The following EP400 variants were observed in gnomAD, a reference collection of about 807,000 sequenced individuals.
EP400 encodes E1A-binding protein p400.
In EP400, 105 loss-of-function variants were observed where a neutral mutation model predicts 354.1. That is an observed-to-expected ratio of 0.30 (90% CI 0.25 to 0.35). The LOEUF is 0.35. Ranked by LOEUF, EP400 falls within the 10% of genes least tolerant of loss-of-function variation. EP400 has a pLI of 1.00. For synonymous variants in EP400, 1,646 were observed against 1,716.9 expected, an observed-to-expected ratio of 0.96 and a Z score of 1.02; for missense variants, 3,280 against 4,121.0, an observed-to-expected ratio of 0.80 and a Z score of 5.59.
Position 132,055,037 on chromosome 12 carries a change from A to G in EP400, c.7774+18A>G, listed in dbSNP as rs1462023320. On this transcript the variant is annotated intron_variant, in intron 44 of 52. Transcript: ENST00000389561. ...GCCCACTGGTAAGACAAATACAGAG[A>G]TGCTGAAATGTGGACCCCATTTCTC... 4.3e-6 allele frequency: 7 copies of G among 1,613,944 alleles called. No individual in the cohort carries two copies. Among genetic ancestry groups the G allele is most frequent in the Non-Finnish European group, 5.9e-6 (7 of 1,179,942 alleles).
intron 51 of EP400, among the ~76,000 whole-genome samples, chr12:132,073,418 A>C (rs1383881098): frequency 6.8e-6 from 1 of 146,078 alleles, no homozygotes; most frequent in Non-Finnish European, 1.5e-5. Flanking sequence ...TATTCATCTC[A>C]AATGCTGCTG....
At chr12:132,077,321 C>G in intron 52 of EP400, 80 bp from the exon 53 acceptor site, 1 of 1,524,266 alleles carries the variant, frequency 6.6e-7, no homozygotes, top group Non-Finnish European at 8.8e-7. Context: ...CGAGTCCTCC[C>G]CATCCCAAAG....
At chr12:132,010,365 G>A (rs1334372783) in intron 15 of EP400, among the ~76,000 whole-genome samples, 1 of 152,144 alleles carries the variant, frequency 6.6e-6, no homozygotes, top group East Asian at 1.9e-4. Context: ...GATTACAGGT[G>A]TGAGCCACTG....
In EP400 at chr12:132,064,871, C is replaced by G; in HGVS notation, c.8538C>G (p.Leu2846=). 1 of 1,608,980 alleles carries G rather than the reference C, an allele frequency of 6.2e-7. No individual in the cohort carries two copies. Among genetic ancestry groups the G allele is most frequent in the Non-Finnish European group, 8.5e-7 (1 of 1,178,176 alleles). ...TGACGGGCACCACCGTGGCCAACCT[C>G]CAGGTGGCCCGGCTCGTAAGTGTCA... ...ALLTGTTVAN[L]QVARLTRVPT... The change falls in exon 48 of 53, where the codon CTC becomes CTG. Residue 2846 remains leucine (L), a synonymous_variant. Transcript: ENST00000389561.
intron 1 of EP400, among the ~76,000 whole-genome samples, chr12:131,950,795 C>G (rs1214008631): frequency 6.6e-6 from 1 of 152,218 alleles, no homozygotes; most frequent in Admixed American, 6.5e-5. Flanking sequence ...GCTCTGTTGC[C>G]CAGGTTGGCG....
intron 12 of EP400, among the ~76,000 whole-genome samples, chr12:132,003,520 G>A (rs1006568896): frequency 1.3e-5 from 2 of 151,640 alleles, no homozygotes; most frequent in East Asian, 1.9e-4. Context: ...TTTTTTCTTC[G>A]ATTTCATTTT....
At chr12:132,063,329 A>G (rs1237338556) in intron 47 of EP400, among the ~76,000 whole-genome samples, 1 of 152,228 alleles carries the variant, frequency 6.6e-6, no homozygotes, top group Non-Finnish European at 1.5e-5. Flanking sequence ...CCTGGTCAAC[A>G]TGGCAAATCC....
In EP400 at chr12:131,991,068, C is replaced by T. The variant is rs533110503; in HGVS notation, c.2630-339C>T. Among the ~76,000 whole-genome samples, 166 of 152,298 alleles carry T rather than the reference C, an allele frequency of 1.1e-3. No individual in the cohort carries two copies. In the Middle Eastern group the frequency reaches 0.037, roughly 34 times the overall value. ...TTGATGTTTCTTCGGCAGCTGCCTC[C>T]GCTCGTTATGTGCCACTCCACTTAG... On this transcript the variant is annotated intron_variant, in intron 9 of 52. Coordinates refer to ENST00000389561, the MANE Select transcript of EP400 (RefSeq NM_015409.5).
At position 132,053,231 on chromosome 12, in the gene EP400, G is replaced by T. The variant is rs111288411; in HGVS notation, c.7473+7G>T. ...AATCGCAAAAGAGAAAAAGGTCAGC[G>T]CCCTGGGCCCTTCTGCTTGAGTGGG... On this transcript the variant is annotated splice_region_variant and intron_variant, in intron 42 of 52. Coordinates refer to ENST00000389561, the MANE Select transcript of EP400 (RefSeq NM_015409.5). 19 of 1,613,376 alleles carry T rather than the reference G, an allele frequency of 1.2e-5. No homozygotes were observed. Among genetic ancestry groups the T allele is most frequent in the African/African-American group, 4.0e-5 (3 of 74,798 alleles).
At chr12:131,986,295 T>C (rs1892850896) in intron 5 of EP400, among the ~76,000 whole-genome samples, 1 of 152,246 alleles carries the variant, frequency 6.6e-6, no homozygotes, top group African/African-American at 2.4e-5. Context: ...TAGTTCATAA[T>C]GAAAACTCCT....
At position 132,079,183 on chromosome 12, in the gene EP400, C is replaced by T. The variant is rs1183673195; in HGVS notation, c.*1510C>T. On this transcript the variant is annotated 3_prime_UTR_variant, in exon 53 of 53. Transcript: ENST00000389561. ...CTGTCCCACAGGTTTCTGTGGACAG[C>T]GATACAGCAGGAGTCAGTGAAATCA... 3 of 152,372 alleles carry T rather than the reference C, an allele frequency of 2.0e-5. No homozygotes were observed. Among genetic ancestry groups the T allele is most frequent in the Non-Finnish European group, 2.9e-5 (2 of 68,038 alleles). The allele number at this position is 152,372 out of a possible 1,614,324, so 9.4% of individuals were successfully genotyped here.
chr12:131,997,090 C>T (rs1397084408), intron 12 of EP400, among the ~76,000 whole-genome samples: 39 of 152,174 alleles, frequency 2.6e-4, no homozygotes, highest in Admixed American at 2.5e-3. Context: ...TTTTGTTATA[C>T]AGTTGACCCT....
intron 1 of EP400, among the ~76,000 whole-genome samples, chr12:131,950,609 G>A (rs1017719850): frequency 6.6e-6 from 1 of 152,206 alleles, no homozygotes; most frequent in African/African-American, 2.4e-5. Flanking sequence ...CCTTCTCGGC[G>A]TAGACCTGCC....
In EP400 at chr12:131,979,729, C is replaced by G. The variant is rs140869465; in HGVS notation, c.1371C>G (p.Ala457=). The G allele has an allele frequency of 8.1e-6, 13 of 1,609,378 alleles. No homozygotes were observed. Among genetic ancestry groups the G allele is most frequent in the Non-Finnish European group, 1.1e-5 (13 of 1,177,740 alleles). The change falls in exon 3 of 53, where the codon GCC becomes GCG. Residue 457 remains alanine, a synonymous_variant. Transcript: ENST00000389561. The part of the protein sequence containing the change: ...QALAGSLVAG[A]GSTVETDLFK... ...TCGCAGGGAGCCTGGTAGCAGGGGC[C>G]GGAAGCACAGTAGAGACGGACCTGT... is the stretch of plus-strand genomic sequence containing the variant.
chr12:131,992,262 C>T (rs1422108895), intron 11 of EP400, 32 bp downstream of exon 11: 3 of 1,592,182 alleles, frequency 1.9e-6, no homozygotes, highest in Non-Finnish European at 2.6e-6. Context: ...TCTTTGTCAT[C>T]TCCAGGGCTG....
At chr12:132,045,285 T>C in intron 37 of EP400, 34 bp from the exon 38 acceptor site, 1 of 1,611,190 alleles carries the variant, frequency 6.2e-7, no homozygotes, top group Non-Finnish European at 8.5e-7. Flanking sequence ...ATCTCCTGGT[T>C]TACTCTCTTG....
At chr12:131,950,521 C>G (rs1369417866) in intron 1 of EP400, among the ~76,000 whole-genome samples, 1 of 152,284 alleles carries the variant, frequency 6.6e-6, no homozygotes, top group South Asian at 2.1e-4. Context: ...GGCGAATTCA[C>G]TCAGAACTTA....
chr12:132,003,895 G>A (rs1893498744), intron 12 of EP400, among the ~76,000 whole-genome samples: 1 of 152,192 alleles, frequency 6.6e-6, no homozygotes, highest in African/African-American at 2.4e-5. Context: ...CCTTTAACAT[G>A]GTCCTTGTAG....
At chr12:132,036,535 A>G (rs957881335) in intron 30 of EP400, among the ~76,000 whole-genome samples, 208 of 152,324 alleles carry the variant, frequency 1.4e-3, no homozygotes, top group Admixed American at 4.3e-3. Flanking sequence ...GAGGCAGGCC[A>G]CCCTCCCTGA....
Sources: allele counts gnomAD v4.1 joint callset (sites outside exome capture counted in the v4.1 genomes callset), GRCh38; gene constraint gnomAD v4.1.1; transcripts MANE v1.5; gene names NCBI Gene and HGNC (gene_info 2026-07-23, HGNC 2026-07-21).